Variants in CGREF1 observed in about 807,000 individuals in gnomAD.
CGREF1 encodes the protein cell growth regulator with EF hand domain protein 1.
A neutral mutation model predicts 17.4 loss-of-function variants in CGREF1; 16 were observed. The ratio of observed to expected loss-of-function variants is 0.92; its 90% confidence interval spans 0.62 to 1.40. The LOEUF (loss-of-function observed/expected upper bound fraction) is 1.40. Ranked by LOEUF, CGREF1 falls within the 40% of genes most tolerant of loss-of-function variation. The probability of loss-of-function intolerance (pLI) is 0.00; values close to 1 mark genes in which losing one functional copy is unlikely to be tolerated. For missense variants in CGREF1, 296 were observed against 376.4 expected, an observed-to-expected ratio of 0.79 and a Z score of 1.77; for synonymous variants, 142 against 154.6, an observed-to-expected ratio of 0.92 and a Z score of 0.61.
rs182452772 is a variant in CGREF1 at position 27,113,539 on chromosome 2, A to G, written c.-12+5307T>C. Among the ~76,000 whole-genome samples, 46 of 152,320 alleles carry G rather than the reference A, an allele frequency of 3.0e-4. No individual in the cohort carries two copies. The East Asian group carries it at 8.1e-3, about 27-fold the overall frequency. ...TAGGAAAAGATACAAATGTTAACGC[A>G]AGAAAAACACAGAATTGCTATGGAA... On this transcript the variant is annotated intron_variant, in intron 1 of 5. Coordinates refer to ENST00000402394, the MANE Select transcript of CGREF1 (RefSeq NM_006569.6).
intron 1 of CGREF1, among the ~76,000 whole-genome samples, chr2:27,107,933 C>CA (rs143132359): frequency 0.52 from 49,968 of 95,516 alleles, 12,665 homozygotes; most frequent in East Asian, 0.74. Context: ...GACTCTGTCT[C>CA]AAAAAAAAAA....
chr2:27,105,960 C>T (rs1203574045), intron 1 of CGREF1, among the ~76,000 whole-genome samples: 1 of 152,224 alleles, frequency 6.6e-6, no homozygotes, highest in African/African-American at 2.4e-5. Flanking sequence ...CACAGCTGCC[C>T]TAAAGGTATT....
At chr2:27,106,486 A>G (rs1671124414) in intron 1 of CGREF1, among the ~76,000 whole-genome samples, 1 of 152,248 alleles carries the variant, frequency 6.6e-6, no homozygotes, top group South Asian at 2.1e-4. Context: ...GAACATGAAC[A>G]AAAAGTAAAT....
At chr2:27,116,544 A>G (rs1325741518) in intron 1 of CGREF1, among the ~76,000 whole-genome samples, 3 of 151,892 alleles carry the variant, frequency 2.0e-5, no homozygotes, top group Non-Finnish European at 4.4e-5. Flanking sequence ...GAGAGAAAAA[A>G]AAAAGTAAAT....
chr2:27,107,254 T>TTTTGTTTTGTTTTGTTTTG (rs1553347153), intron 1 of CGREF1, among the ~76,000 whole-genome samples: 14 of 151,474 alleles, frequency 9.2e-5, no homozygotes, highest in African/African-American at 3.4e-4. Context: ...GTTCACATTT[T>TTTTGTTTTGTTTTGTTTTG]TTTTGTTTTG....
At chr2:27,107,549 G>A (rs1430382772) in intron 1 of CGREF1, among the ~76,000 whole-genome samples, 1 of 151,352 alleles carries the variant, frequency 6.6e-6, no homozygotes, top group African/African-American at 2.4e-5. Flanking sequence ...CACCGCACCC[G>A]GCCAGTTCAC....
rs116418742 is a variant in CGREF1 at position 27,101,169 on chromosome 2, C to G, written c.*105G>C. ...AGACCTGATACCTACTGGGACCAGG[C>G]AGGGGGCACAGAGATGGTCCTTGTC... On this transcript the variant is annotated 3_prime_UTR_variant, in exon 6 of 6. Transcript: ENST00000402394. 15 of 1,489,258 alleles carry G rather than the reference C, an allele frequency of 1.0e-5. No individual in the cohort carries two copies. The highest frequency in any genetic ancestry group is 2.4e-5 in the Admixed American group (1 of 41,862). 92.3% of individuals were successfully genotyped at this position (1,489,258 alleles called of 1,614,324 possible). A position where few individuals can be genotyped will look rare whatever the true frequency, so the allele number is the denominator to read the frequency against.
chr2:27,099,492 G>C, downstream of CGREF1: 1 of 1,614,132 alleles, frequency 6.2e-7, no homozygotes, highest in Non-Finnish European at 8.5e-7. Flanking sequence ...TGCTCCACTC[G>C]GATGCTTTCC....
At chr2:27,112,899 C>T (rs971305393) in intron 1 of CGREF1, among the ~76,000 whole-genome samples, 3 of 152,148 alleles carry the variant, frequency 2.0e-5, no homozygotes, top group East Asian at 1.9e-4. Flanking sequence ...GGAGGCTTCC[C>T]GGGTCCCCAG....
intron 5 of CGREF1, 98 bp downstream of exon 5, chr2:27,101,999 T>C: frequency 6.4e-7 from 1 of 1,559,222 alleles, no homozygotes; most frequent in South Asian, 1.2e-5. Context: ...GAGCCCTCCT[T>C]TTACAGAGGA....
chr2:27,100,102 G>C (rs940934075), downstream of CGREF1: 4 of 577,352 alleles, frequency 6.9e-6, no homozygotes, highest in Admixed American at 3.0e-5. Context: ...GCCTGGGCTA[G>C]AGCAGCGAGA....
chr2:27,106,965 A>G (rs1241722110), intron 1 of CGREF1, among the ~76,000 whole-genome samples: 1 of 152,178 alleles, frequency 6.6e-6, no homozygotes, highest in Non-Finnish European at 1.5e-5. Flanking sequence ...CTGTATGGTC[A>G]GAACATCTAA....
chr2:27,117,657 T>G (rs1224765434), intron 1 of CGREF1, among the ~76,000 whole-genome samples: 1 of 151,844 alleles, frequency 6.6e-6, no homozygotes, highest in Non-Finnish European at 1.5e-5. Context: ...TACTACTCAC[T>G]GTGGGACCTA....
rs1390326948 is a variant in CGREF1, at chr2:27,100,691, T to G, written c.*583A>C. On this transcript the variant is annotated 3_prime_UTR_variant, in exon 6 of 6. Coordinates refer to ENST00000402394, the MANE Select transcript of CGREF1 (RefSeq NM_006569.6). ...TTCTTCATCTGTCAAATGGAACCAATTCTGCTTGGCTACAGAATTATTGTG... is the reference window on the plus strand; with the variant it reads ...TTCTTCATCTGTCAAATGGAACCAAGTCTGCTTGGCTACAGAATTATTGTG... 1.5e-5 allele frequency: 17 copies of G among 1,100,090 alleles called. No individual in the cohort carries two copies. Among genetic ancestry groups the G allele is most frequent in the Non-Finnish European group, 2.0e-5 (17 of 857,172 alleles). The allele number at this position is 1,100,090 out of a possible 1,614,324, so 68.1% of individuals were successfully genotyped here.
chr2:27,102,133 C>A lies in CGREF1; in HGVS notation c.306G>T (p.Leu102=). The A allele has an allele frequency of 6.2e-7, 1 of 1,611,422 alleles. No homozygotes were observed. Among genetic ancestry groups the A allele is most frequent in the East Asian group, 2.2e-5 (1 of 44,756 alleles). ...LELLSMLTAA[L]APGAANSPTT... is the part of the protein sequence containing the mutation. Reference sequence around the variant, plus strand: ...TAGGAGAGTTGGCAGCTCCAGGGGCCAGAGCAGCTGTCAACATGGACAGCA... The same window carrying A: ...TAGGAGAGTTGGCAGCTCCAGGGGCAAGAGCAGCTGTCAACATGGACAGCA... The change falls in exon 5 of 6, where the codon CTG becomes CTT. Residue 102 remains leucine, a synonymous_variant. Coordinates refer to ENST00000402394, the MANE Select transcript of CGREF1 (RefSeq NM_006569.6).
At chr2:27,114,213 T>G (rs1026627939) in intron 1 of CGREF1, among the ~76,000 whole-genome samples, 1 of 152,004 alleles carries the variant, frequency 6.6e-6, no homozygotes, top group African/African-American at 2.4e-5. Context: ...CAGGATGGTC[T>G]CGATCTCTTG....
At chr2:27,112,717 A>G (rs932301418) in intron 1 of CGREF1, among the ~76,000 whole-genome samples, 2 of 152,262 alleles carry the variant, frequency 1.3e-5, no homozygotes, top group Non-Finnish European at 2.9e-5. Context: ...TGAACAAACC[A>G]TATTATGTGA....
At chr2:27,104,555 CAAAAT>C in intron 1 of CGREF1, 178 bp from the exon 2 acceptor site, 1 of 1,550,638 alleles carries the variant, frequency 6.4e-7, no homozygotes, top group South Asian at 1.2e-5. Flanking sequence ...GAACTATGCT[CAAAAT>C]AAATGTCACT....
At chr2:27,105,550 T>TTTTTTC (rs1553346747) in intron 1 of CGREF1, among the ~76,000 whole-genome samples, 3 of 151,426 alleles carry the variant, frequency 2.0e-5, no homozygotes, top group East Asian at 1.9e-4. Context: ...ATTTTTCTTT[T>TTTTTTC]TTTTCTTTTT....
Sources: gnomAD v4.1 joint callset for allele counts (sites outside exome capture counted in the v4.1 genomes callset) on GRCh38, gnomAD v4.1.1 for gene constraint, MANE v1.5 for transcripts, NCBI Gene and HGNC (gene_info 2026-07-23, HGNC 2026-07-21) for gene names.